The following DLGAP2 variants were observed in gnomAD, a reference collection of about 807,000 sequenced individuals.
DLGAP2 encodes disks large-associated protein 2.
Under a neutral mutation model 100.3 loss-of-function variants are expected in DLGAP2, and 26 were observed. The ratio of observed to expected loss-of-function variants is 0.26; its 90% confidence interval spans 0.19 to 0.36. The LOEUF (loss-of-function observed/expected upper bound fraction) is 0.36, where lower values mean the gene tolerates loss of function less well. Among genes scored for constraint, DLGAP2 ranks in the 10% least tolerant of loss-of-function variants. The pLI is 1.00. For missense variants in DLGAP2, 1,858 were observed against 1,453.2 expected (o/e 1.28, Z -4.53); for synonymous variants, 886 against 630.1 (o/e 1.41, Z -6.08).
chr8:854,075 T>C (rs1183374413), intron 1 of DLGAP2, among the ~76,000 whole-genome samples: 1 of 152,214 alleles, frequency 6.6e-6, no homozygotes, highest in East Asian at 1.9e-4. Context: ...CCGCTGTGCC[T>C]GGTTGGTGGA....
intron 6 of DLGAP2, among the ~76,000 whole-genome samples, chr8:1,598,924 G>A (rs1045113273): frequency 2.6e-5 from 4 of 152,058 alleles, no homozygotes; most frequent in South Asian, 4.2e-4. Flanking sequence ...GAATTTGTTT[G>A]CTCTTGCTTC....
At chr8:805,936 C>T (rs894600560) in intron 1 of DLGAP2, among the ~76,000 whole-genome samples, 8 of 152,240 alleles carry the variant, frequency 5.3e-5, no homozygotes, top group Admixed American at 3.3e-4. Context: ...GGGGAAACCA[C>T]ATTCTGAATT....
chr8:1,224,703 A>T (rs1056931858), intron 2 of DLGAP2, among the ~76,000 whole-genome samples: 2 of 152,264 alleles, frequency 1.3e-5, no homozygotes, highest in Non-Finnish European at 2.9e-5. Flanking sequence ...AAAATGAATT[A>T]TAGTGTCTAT....
intron 3 of DLGAP2, among the ~76,000 whole-genome samples, chr8:1,317,472 G>A (rs1410154316): frequency 5.6e-5 from 8 of 142,754 alleles, no homozygotes; most frequent in South Asian, 2.3e-4. Context: ...CGAGTGCAGC[G>A]TCTCTCCAAC....
At chr8:1,047,250 G>T (rs73538169) in intron 2 of DLGAP2, among the ~76,000 whole-genome samples, 20,845 of 152,102 alleles carry the variant, frequency 0.14, 3,072 homozygotes, top group African/African-American at 0.37. Flanking sequence ...TGCAACCTTT[G>T]CGGTCTGGTT....
chr8:758,022 C>A (rs117511443), intron 1 of DLGAP2, among the ~76,000 whole-genome samples: 2,776 of 152,248 alleles, frequency 0.018, 37 homozygotes, highest in Middle Eastern at 0.034. Flanking sequence ...CCTTTACTGT[C>A]CCTGCCCTGT....
At chr8:865,398 G>C (rs1046819792) in intron 1 of DLGAP2, among the ~76,000 whole-genome samples, 1 of 152,184 alleles carries the variant, frequency 6.6e-6, no homozygotes. Context: ...TCTAGAGTTA[G>C]ACTTTCTGGG....
At chr8:1,200,410 A>T (rs1797845648) in intron 2 of DLGAP2, among the ~76,000 whole-genome samples, 1 of 152,222 alleles carries the variant, frequency 6.6e-6, no homozygotes, top group Non-Finnish European at 1.5e-5. Flanking sequence ...GACAGTCACT[A>T]GCAGTTGTTC....
chr8:1,553,082 G>A (rs141689819), intron 5 of DLGAP2, among the ~76,000 whole-genome samples: 2,273 of 152,224 alleles, frequency 0.015, 17 homozygotes, highest in Middle Eastern at 0.031. Flanking sequence ...GAGAGACGCC[G>A]CCTCCCCGGG....
At chr8:1,110,798 C>T (rs1161453204) in intron 2 of DLGAP2, among the ~76,000 whole-genome samples, 3 of 149,382 alleles carry the variant, frequency 2.0e-5, no homozygotes, top group Non-Finnish European at 4.4e-5. Flanking sequence ...CTCTCACATA[C>T]AGCTTTCTAT....
Position 1,235,405 on chromosome 8 carries a change from C to T in DLGAP2, c.74-23446C>T, listed in dbSNP as rs151205249. Among the ~76,000 whole-genome samples, 1,027 of 151,710 alleles carry T rather than the reference C, an allele frequency of 6.8e-3. 4 individuals carry two copies. Among genetic ancestry groups the T allele is most frequent in the Admixed American group, 0.012 (179 of 15,266 alleles). ...CACATGGCGTTGTGTCTCGTTCTCT[C>T]TCACGTGGCATCGTGTCTAGTTCCC... On this transcript the variant is annotated intron_variant, in intron 2 of 14. Coordinates refer to ENST00000637795, the MANE Select transcript of DLGAP2 (RefSeq NM_001346810.2).
intron 2 of DLGAP2, among the ~76,000 whole-genome samples, chr8:1,121,091 C>G (rs941244280): frequency 1.3e-5 from 2 of 151,938 alleles, no homozygotes; most frequent in Non-Finnish European, 2.9e-5. Context: ...CCCCTGATCA[C>G]CCATCCTCAT....
At chr8:1,275,984 TATAA>T (rs1342422881) in intron 3 of DLGAP2, among the ~76,000 whole-genome samples, 2 of 129,378 alleles carry the variant, frequency 1.5e-5, no homozygotes, top group African/African-American at 3.0e-5. Context: ...AAATATAATA[TATAA>T]ATAAATGTAA....
chr8:1,118,376 C>G (rs551889681), intron 2 of DLGAP2, among the ~76,000 whole-genome samples: 1 of 152,176 alleles, frequency 6.6e-6, no homozygotes, highest in East Asian at 1.9e-4. Context: ...CAGTTCCTTA[C>G]GTGACTGAGG....
At chr8:1,355,912 A>G (rs1801838599) in intron 3 of DLGAP2, among the ~76,000 whole-genome samples, 1 of 152,138 alleles carries the variant, frequency 6.6e-6, no homozygotes. Context: ...ATTCAAATTA[A>G]GCACATTCCA....
chr8:822,449 A>G (rs111782765), intron 1 of DLGAP2, among the ~76,000 whole-genome samples: 16 of 152,204 alleles, frequency 1.1e-4, no homozygotes, highest in African/African-American at 3.6e-4. Flanking sequence ...TCTCTGTTCA[A>G]ACAGAGCTGT....
intron 3 of DLGAP2, among the ~76,000 whole-genome samples, chr8:1,408,252 C>G (rs1282100190): frequency 1.3e-5 from 2 of 152,360 alleles, no homozygotes; most frequent in Non-Finnish European, 1.5e-5. Context: ...TCTCCACTTT[C>G]CGCGATGCCA....
chr8:1,284,476 G>A (rs1563060644), intron 3 of DLGAP2, among the ~76,000 whole-genome samples: 1 of 152,130 alleles, frequency 6.6e-6, no homozygotes, highest in African/African-American at 2.4e-5. Context: ...AAAGATGTGA[G>A]GATTTGCTGC....
chr8:1,359,304 C>G (rs1354505625), intron 3 of DLGAP2, among the ~76,000 whole-genome samples: 1 of 152,238 alleles, frequency 6.6e-6, no homozygotes, highest in African/African-American at 2.4e-5. Flanking sequence ...GGTCCATGCG[C>G]CCTGGTTAGA....
Sources: allele counts gnomAD v4.1 joint callset (sites outside exome capture counted in the v4.1 genomes callset), GRCh38; gene constraint gnomAD v4.1.1; transcripts MANE v1.5; gene names NCBI Gene and HGNC (gene_info 2026-07-23, HGNC 2026-07-21).